The following SRSF11 variants were observed in gnomAD, a reference collection of about 807,000 sequenced individuals.
SRSF11 encodes serine/arginine-rich splicing factor 11.
In SRSF11, 9 loss-of-function variants were observed where a neutral mutation model predicts 56.0. The ratio of observed to expected loss-of-function variants is 0.16; its 90% CI spans 0.10 to 0.28. The LOEUF (loss-of-function observed/expected upper bound fraction) is 0.28, where lower values mean the gene tolerates loss of function less well. Ranked by LOEUF, SRSF11 falls within the 10% of genes least tolerant of loss-of-function variation. The pLI, the probability that SRSF11 is intolerant of heterozygous loss-of-function variation, is 1.00. For missense variants in SRSF11, 421 were observed against 600.7 expected, an observed-to-expected ratio of 0.70 and a Z score of 3.13; for synonymous variants, 222 against 215.3, an observed-to-expected ratio of 1.03 and a Z score of -0.27.
rs1352557474 is a variant in SRSF11 at position 70,235,571 on chromosome 1, T to A, written c.590+21T>A. ...CCCAAGTAAGCGTTTTTTCTTTGTTTTCATTGGTGATGTGGTATCTGAATG... is the reference window on the plus strand; with the variant it reads ...CCCAAGTAAGCGTTTTTTCTTTGTTATCATTGGTGATGTGGTATCTGAATG... On this transcript the variant is annotated intron_variant, in intron 5 of 11. Coordinates refer to ENST00000370949, the MANE Select transcript of SRSF11 (RefSeq NM_001350605.2). 5 of 1,608,292 alleles carry A rather than the reference T, an allele frequency of 3.1e-6. No individual in the cohort carries two copies. The Admixed American group carries it at 5.1e-5, about 16-fold the overall frequency.
rs189483346 is a variant in SRSF11, at chr1:70,246,170, A to G, written c.933-648A>G. ...ATGAGACTTCTCATTCAACAAATAT[A>G]TATCGTTTATCTACTCTTTGCTTAG... On this transcript the variant is annotated intron_variant, in intron 8 of 11. Coordinates refer to ENST00000370949, the MANE Select transcript of SRSF11 (RefSeq NM_001350605.2). Among the ~76,000 whole-genome samples the G allele has an allele frequency of 4.2e-3, 641 of 152,218 alleles. 4 individuals carry two copies. Among genetic ancestry groups the G allele is most frequent in the Non-Finnish European group, 7.4e-3 (501 of 67,994 alleles).
intron 8 of SRSF11, among the ~76,000 whole-genome samples, chr1:70,245,501 G>A (rs1676548369): frequency 6.6e-6 from 1 of 152,144 alleles, no homozygotes; most frequent in South Asian, 2.1e-4. Flanking sequence ...TAATAGAACA[G>A]TTATACAAAG....
chr1:70,215,047 G>A (rs1309400201), intron 1 of SRSF11, among the ~76,000 whole-genome samples: 7 of 151,872 alleles, frequency 4.6e-5, no homozygotes, highest in South Asian at 4.2e-4. Context: ...ACAGTTGCAC[G>A]CCACCACGCC....
upstream of SRSF11, among the ~76,000 whole-genome samples, chr1:70,217,771 A>G (rs185916339): frequency 6.6e-6 from 1 of 152,336 alleles, no homozygotes; most frequent in African/African-American, 2.4e-5. Context: ...GCTTTAATAT[A>G]TCTGTCATTC....
chr1:70,246,020 C>T (rs1390564013), intron 8 of SRSF11, among the ~76,000 whole-genome samples: 4 of 151,436 alleles, frequency 2.6e-5, no homozygotes, highest in Middle Eastern at 3.2e-3. Flanking sequence ...AAGAGGGAAC[C>T]GAGGATGACC....
intron 7 of SRSF11, among the ~76,000 whole-genome samples, chr1:70,243,260 T>A (rs927927752): frequency 7.5e-6 from 1 of 133,606 alleles, no homozygotes; most frequent in African/African-American, 2.8e-5. Flanking sequence ...AATCCACATA[T>A]AGGAAAACTC....
At chr1:70,214,970 C>T (rs1022124159) in intron 1 of SRSF11, among the ~76,000 whole-genome samples, 1 of 147,098 alleles carries the variant, frequency 6.8e-6, no homozygotes, top group Non-Finnish European at 1.5e-5. Flanking sequence ...ACAATCTCAG[C>T]TTACTGCAGC....
At chr1:70,230,618 G>T in intron 2 of SRSF11, 1 of 1,281,444 alleles carries the variant, frequency 7.8e-7, no homozygotes, top group Non-Finnish European at 1.0e-6. Flanking sequence ...AAAATTAACT[G>T]GTGAGGGGCC....
At chr1:70,232,022 C>T in intron 2 of SRSF11, 7 of 1,521,008 alleles carry the variant, frequency 4.6e-6, no homozygotes, top group Non-Finnish European at 6.2e-6. Flanking sequence ...GTGTATTGTG[C>T]TATTTTTTTT....
At chr1:70,228,270 T>A (rs1408240900) in intron 1 of SRSF11, 152 bp from the exon 2 acceptor site, 1 of 577,788 alleles carries the variant, frequency 1.7e-6, no homozygotes. Context: ...GAACAGTATA[T>A]GATTGAGAAT....
At chr1:70,248,297 A>G (rs1163941960) in intron 9 of SRSF11, 1 of 152,184 alleles carries the variant, frequency 6.6e-6, no homozygotes, top group East Asian at 1.9e-4. Flanking sequence ...TATCTATACA[A>G]TTGAATATTT....
chr1:70,238,437 G>C (rs1390294641), intron 6 of SRSF11, among the ~76,000 whole-genome samples: 1 of 152,158 alleles, frequency 6.6e-6, no homozygotes, highest in Non-Finnish European at 1.5e-5. Flanking sequence ...CCCTATTAAT[G>C]AAATGACTTA....
At chr1:70,227,843 C>T (rs755525189) in intron 1 of SRSF11, among the ~76,000 whole-genome samples, 16 of 152,224 alleles carry the variant, frequency 1.1e-4, no homozygotes, top group Non-Finnish European at 2.1e-4. Flanking sequence ...TACATTTTTT[C>T]TTTTATCTGA....
At chr1:70,228,742 T>A (rs1672336929) in intron 2 of SRSF11, 187 bp downstream of exon 2, 1 of 1,266,580 alleles carries the variant, frequency 7.9e-7, no homozygotes, top group Non-Finnish European at 9.9e-7. Flanking sequence ...TTAGGTCTGT[T>A]ATTATAAGGT....
intron 7 of SRSF11, among the ~76,000 whole-genome samples, chr1:70,243,191 G>A (rs80234560): frequency 3.0e-4 from 46 of 151,916 alleles, no homozygotes; most frequent in African/African-American, 1.0e-3. Flanking sequence ...CTCCGTATAT[G>A]CAGGGGATTG....
rs879698770 is a variant in SRSF11, at chr1:70,252,987, A to G, written c.*2182A>G. The G allele has an allele frequency of 6.6e-6, 1 of 152,170 alleles. No individual in the cohort carries two copies. The highest frequency in any genetic ancestry group is 1.5e-5 in the Non-Finnish European group (1 of 68,024). 9.4% of individuals were successfully genotyped at this position (152,170 alleles called of 1,614,324 possible). On this transcript the variant is annotated 3_prime_UTR_variant, in exon 12 of 12. Transcript: ENST00000370949. ...AGTTGAAATCAAACACTGCCTCCACACCGAGTTCTGTTGTGTATTTGATAG... is the reference window on the plus strand; with the variant it reads ...AGTTGAAATCAAACACTGCCTCCACGCCGAGTTCTGTTGTGTATTTGATAG...
chr1:70,213,786 A>G (rs1423775106), intron 1 of SRSF11, among the ~76,000 whole-genome samples: 1 of 152,192 alleles, frequency 6.6e-6, no homozygotes, highest in African/African-American at 2.4e-5. Flanking sequence ...TAAATAAGGA[A>G]ATTGAAGCAC....
intron 6 of SRSF11, 67 bp downstream of exon 6, chr1:70,237,619 ATTGTG>A (rs1674407709): frequency 1.3e-6 from 2 of 1,592,816 alleles, no homozygotes; most frequent in Middle Eastern, 1.7e-4. Context: ...TAAATGTGGA[ATTGTG>A]TTGAGTGACA....
At chr1:70,240,484 T>C (rs979983200) in intron 7 of SRSF11, among the ~76,000 whole-genome samples, 7 of 152,334 alleles carry the variant, frequency 4.6e-5, no homozygotes, top group African/African-American at 1.4e-4. Context: ...TAATTTGTTA[T>C]TACTTTGAAA....
Sources: gnomAD v4.1 joint callset for allele counts (sites outside exome capture counted in the v4.1 genomes callset) on GRCh38, gnomAD v4.1.1 for gene constraint, MANE v1.5 for transcripts, NCBI Gene and HGNC (gene_info 2026-07-23, HGNC 2026-07-21) for gene names.